The following SPAG16 variants were observed in gnomAD, a reference collection of about 807,000 sequenced individuals.
SPAG16 encodes sperm-associated antigen 16 protein.
SPAG16 carries 86 observed loss-of-function variants against 80.4 expected under a neutral mutation model. The observed-to-expected ratio is 1.07, with a 90% CI of 0.90 to 1.28. The LOEUF is 1.28. Among genes scored for constraint, SPAG16 ranks in the 50% most tolerant of loss-of-function variants. SPAG16 has a pLI of 0.00. For missense variants in SPAG16, 870 were observed against 765.3 expected (o/e 1.14, Z -1.61); for synonymous variants, 294 against 265.9 (o/e 1.11, Z -1.03).
chr2:213,673,819 A>T (rs990123614), intron 10 of SPAG16, among the ~76,000 whole-genome samples: 8 of 152,122 alleles, frequency 5.3e-5, no homozygotes, highest in Non-Finnish European at 7.4e-5. Flanking sequence ...AAAAATAAAG[A>T]ACATTGGAAA....
At chr2:213,759,076 A>G (rs1245364936) in intron 10 of SPAG16, among the ~76,000 whole-genome samples, 1 of 152,204 alleles carries the variant, frequency 6.6e-6, no homozygotes, top group African/African-American at 2.4e-5. Flanking sequence ...ATCCAGCCAA[A>G]CTGTCCTTAA....
chr2:213,770,709 T>C lies in SPAG16; in HGVS notation c.1071-91776T>C, dbSNP rs527956962. 2.0e-5 allele frequency among the ~76,000 whole-genome samples: 3 copies of C among 152,262 alleles called. No individual in the cohort carries two copies. The East Asian group carries it at 5.8e-4, about 29-fold the overall frequency. ...GCTCCCACTTATAAGTGAGAAGATGTGGTGTTTGGTCTTCTGTTCCTGTGT... is the reference window on the plus strand; with the variant it reads ...GCTCCCACTTATAAGTGAGAAGATGCGGTGTTTGGTCTTCTGTTCCTGTGT... On this transcript the variant is annotated intron_variant, in intron 10 of 15. Transcript: ENST00000331683.
chr2:213,405,948 C>A (rs533793490), intron 9 of SPAG16, among the ~76,000 whole-genome samples: 1 of 152,140 alleles, frequency 6.6e-6, no homozygotes, highest in Non-Finnish European at 1.5e-5. Flanking sequence ...ATCTGGTTAG[C>A]ACAAAGGCTA....
At chr2:214,116,727 A>C (rs796989114) in intron 14 of SPAG16, among the ~76,000 whole-genome samples, 2 of 152,208 alleles carry the variant, frequency 1.3e-5, no homozygotes, top group African/African-American at 4.8e-5. Flanking sequence ...CCCCAGGTCC[A>C]TCTAGGACAG....
intron 10 of SPAG16, among the ~76,000 whole-genome samples, chr2:213,620,674 A>C (rs2061750126): frequency 6.6e-6 from 1 of 152,138 alleles, no homozygotes; most frequent in Admixed American, 6.6e-5. Flanking sequence ...GAGGTTATGG[A>C]TATGCTAATT....
At chr2:213,509,868 G>A (rs34241413) in intron 10 of SPAG16, among the ~76,000 whole-genome samples, 356 of 152,280 alleles carry the variant, frequency 2.3e-3, no homozygotes, top group Non-Finnish European at 3.4e-3. Context: ...AAAAATTAAT[G>A]AATCCAGCAG....
intron 13 of SPAG16, among the ~76,000 whole-genome samples, chr2:214,054,756 T>C (rs1263936217): frequency 2.0e-5 from 3 of 152,208 alleles, no homozygotes; most frequent in African/African-American, 4.8e-5. Flanking sequence ...CCCAAAGATA[T>C]ATTTTTTGTT....
At chr2:214,206,972 A>G (rs1250252757) in intron 15 of SPAG16, among the ~76,000 whole-genome samples, 1 of 152,180 alleles carries the variant, frequency 6.6e-6, no homozygotes, top group African/African-American at 2.4e-5. Context: ...TAAGTCAGAA[A>G]AACCATTGCC....
At chr2:214,009,161 C>T (rs1007332543) in intron 12 of SPAG16, among the ~76,000 whole-genome samples, 7 of 152,068 alleles carry the variant, frequency 4.6e-5, no homozygotes, top group African/African-American at 7.2e-5. Flanking sequence ...TCTAGACGTT[C>T]GCCCAAAATT....
chr2:214,235,538 C>T (rs1289196995), intron 15 of SPAG16, among the ~76,000 whole-genome samples: 2 of 152,060 alleles, frequency 1.3e-5, no homozygotes, highest in East Asian at 3.9e-4. Context: ...TTAAACACAC[C>T]TCCTGGAACC....
At chr2:214,247,977 A>G (rs1689970646) in intron 15 of SPAG16, among the ~76,000 whole-genome samples, 3 of 152,130 alleles carry the variant, frequency 2.0e-5, no homozygotes, top group Admixed American at 1.3e-4. Flanking sequence ...GCAGTGTGCC[A>G]TGATCACACT....
intron 12 of SPAG16, among the ~76,000 whole-genome samples, chr2:213,973,965 C>T (rs1368456993): frequency 2.0e-5 from 3 of 152,060 alleles, no homozygotes; most frequent in Non-Finnish European, 4.4e-5. Flanking sequence ...ATATCTATTA[C>T]AGCAGGTAGT....
intron 11 of SPAG16, among the ~76,000 whole-genome samples, chr2:213,928,148 T>C (rs1172217201): frequency 6.6e-6 from 1 of 152,104 alleles, no homozygotes; most frequent in Admixed American, 6.6e-5. Flanking sequence ...TGCAGTGGCA[T>C]GATCTCGGCT....
intron 10 of SPAG16, among the ~76,000 whole-genome samples, chr2:213,819,446 A>G (rs12470379): frequency 0.2 from 31,058 of 152,196 alleles, 3,622 homozygotes; most frequent in South Asian, 0.34. Flanking sequence ...CAGAAGGTAG[A>G]TGGGAACTAT....
At chr2:213,929,457 A>G (rs888980411) in intron 11 of SPAG16, among the ~76,000 whole-genome samples, 7 of 152,190 alleles carry the variant, frequency 4.6e-5, no homozygotes, top group Non-Finnish European at 1.0e-4. Context: ...ATCTCTCATG[A>G]TCTAACTCAA....
chr2:214,398,892 A>G (rs924121622), intron 15 of SPAG16, among the ~76,000 whole-genome samples: 6 of 152,146 alleles, frequency 3.9e-5, no homozygotes, highest in South Asian at 2.1e-4. Context: ...TCATGTCTCT[A>G]TGATTCAATA....
intron 15 of SPAG16, among the ~76,000 whole-genome samples, chr2:214,157,505 T>C (rs1026922500): frequency 6.6e-6 from 1 of 152,054 alleles, no homozygotes; most frequent in Non-Finnish European, 1.5e-5. Context: ...AACATATTAA[T>C]AATAATGGGG....
In SPAG16 at chr2:214,085,662, A is replaced by G. The variant is rs559135836; in HGVS notation, c.1528-22534A>G. On this transcript the variant is annotated intron_variant, in intron 13 of 15. Transcript: ENST00000331683. ...TCCTCCCATTCTGGTTTAGTAGCTC[A>G]TTACCTTTCCTTTGAACATCCAGAC... Among the ~76,000 whole-genome samples the G allele has an allele frequency of 1.9e-4, 29 of 152,264 alleles. No individual in the cohort carries two copies. The South Asian group carries it at 5.8e-3, about 30-fold the overall frequency.
At chr2:213,488,284 T>C (rs761908429) in intron 9 of SPAG16, among the ~76,000 whole-genome samples, 3 of 152,150 alleles carry the variant, frequency 2.0e-5, no homozygotes, top group Non-Finnish European at 2.9e-5. Context: ...AACAAAGATA[T>C]GGTAAATTGC....
Sources: allele counts gnomAD v4.1 joint callset (sites outside exome capture counted in the v4.1 genomes callset), GRCh38; gene constraint gnomAD v4.1.1; transcripts MANE v1.5; gene names NCBI Gene and HGNC (gene_info 2026-07-23, HGNC 2026-07-21).